The following NEXMIF variants were observed in gnomAD, a reference collection of about 807,000 sequenced individuals.
NEXMIF encodes neurite extension and migration factor.
In NEXMIF, 8 loss-of-function variants were observed where a neutral mutation model predicts 62.1. That is an observed-to-expected ratio of 0.13 (90% CI 0.08 to 0.23). The LOEUF (loss-of-function observed/expected upper bound fraction) is 0.23. Among genes scored for constraint, NEXMIF ranks in the 10% least tolerant of loss-of-function variants. The pLI is 1.00. For synonymous variants in NEXMIF, 404 were observed against 416.6 expected (o/e 0.97, Z 0.37); for missense variants, 976 against 1,113.3 (o/e 0.88, Z 1.75).
intron 1 of NEXMIF, among the ~76,000 whole-genome samples, chrX:74,885,472 C>T (rs2080687985): frequency 9.0e-6 from 1 of 111,702 alleles, no homozygotes; most frequent in South Asian, 3.7e-4. Flanking sequence ...GATATCACCA[C>T]TGATCCCACA....
chrX:74,779,099 C>A (rs1185324791), intron 1 of NEXMIF, among the ~76,000 whole-genome samples: 1 of 112,491 alleles, frequency 8.9e-6, no homozygotes. Flanking sequence ...AGACGCCATT[C>A]ACCAATTCAT....
chrX:74,887,541 AAGAAATGCTCATCATCACTGGCCATCAG>A (rs2080700242), intron 1 of NEXMIF, among the ~76,000 whole-genome samples: 1 of 112,485 alleles, frequency 8.9e-6, no homozygotes, highest in Non-Finnish European at 1.9e-5. Context: ...AAAACACATG[AAGAAATGCTCATCATCACTGGCCATCAG>A]AGAAATGCAA....
chrX:74,743,157 G>T lies in NEXMIF; in HGVS notation c.1400C>A (p.Thr467Asn). 4 of 1,210,873 alleles carry T rather than the reference G, an allele frequency of 3.3e-6. No homozygotes were observed. The South Asian group carries it at 7.0e-5, about 21-fold the overall frequency. Residue 467 changes from threonine (T) to asparagine (N), a missense_variant, in exon 3 of 4, where the codon ACT becomes AAT. By Grantham distance (65) the Thr-to-Asn change is moderately conservative. Around this residue, in one of 5 missense-constraint regions of NEXMIF, gnomAD observed 639 missense variants for 694.5 expected, o/e 0.92. Coordinates refer to ENST00000055682, the MANE Select transcript of NEXMIF (RefSeq NM_001008537.3). The part of the protein sequence containing the change: ...KDCSRYMARD[T>N]NSGSSSSQQN... ...TTGGGAGGAGGAGCTGCCAGAATTA[G>T]TGTCCCGAGCCATATAGCGACTACA... is the stretch of plus-strand genomic sequence containing the variant.
At chrX:74,897,094 G>A (rs2080735210) in intron 1 of NEXMIF, among the ~76,000 whole-genome samples, 5 of 111,609 alleles carry the variant, frequency 4.5e-5, no homozygotes, top group South Asian at 3.7e-4. Flanking sequence ...GGCTAAGTTC[G>A]GCTCAAAAGA....
At chrX:74,840,077 G>A (rs776279910) in intron 1 of NEXMIF, among the ~76,000 whole-genome samples, 1 of 111,670 alleles carries the variant, frequency 9.0e-6, no homozygotes, top group African/African-American at 3.3e-5. Flanking sequence ...CCAACATCCA[G>A]TATTTATTGA....
rs970459042 is a variant in NEXMIF, at chrX:74,782,299, T to G, written c.-47-36602A>C. 2.7e-5 allele frequency among the ~76,000 whole-genome samples: 3 copies of G among 111,483 alleles called. No individual in the cohort carries two copies. The Admixed American group carries it at 2.9e-4, about 11-fold the overall frequency. On this transcript the variant is annotated intron_variant, in intron 1 of 3. Transcript: ENST00000055682. ...AAATGCTTTCAAACTTGTAAGAGAG[T>G]TCCCTTTGAGCTCAGGTTTGGAAAT...
intron 1 of NEXMIF, among the ~76,000 whole-genome samples, chrX:74,876,381 T>C (rs1275641011): frequency 6.3e-5 from 7 of 111,964 alleles, no homozygotes; most frequent in Non-Finnish European, 1.3e-4. Flanking sequence ...TCTGTTCTTT[T>C]ACATTTGCTG....
chrX:74,888,647 A>C lies in NEXMIF; in HGVS notation c.-48+36236T>G, dbSNP rs72630725. On this transcript the variant is annotated intron_variant, in intron 1 of 3. Transcript: ENST00000055682. ...CATGGCACGTGTATACCTATGTAAC[A>C]AACCTGCACCCTCTGCACATGTATC... Among the ~76,000 whole-genome samples, 411 of 111,260 alleles carry C rather than the reference A, an allele frequency of 3.7e-3. 7 individuals carry two copies. The highest frequency in any genetic ancestry group is 0.031 in the East Asian group (108 of 3,522).
chrX:74,862,723 G>C (rs773156393), intron 1 of NEXMIF, among the ~76,000 whole-genome samples: 30 of 111,750 alleles, frequency 2.7e-4, no homozygotes, highest in African/African-American at 9.4e-4. Flanking sequence ...TGAACAACCT[G>C]CTCCTGAATG....
At chrX:74,875,010 GC>G (rs772788697) in intron 1 of NEXMIF, among the ~76,000 whole-genome samples, 2 of 111,112 alleles carry the variant, frequency 1.8e-5, no homozygotes, top group East Asian at 5.7e-4. Context: ...CATTGCCCTG[GC>G]CAGAACTTCC....
intron 1 of NEXMIF, among the ~76,000 whole-genome samples, chrX:74,763,448 G>A (rs1239940249): frequency 3.6e-5 from 4 of 111,626 alleles, no homozygotes; most frequent in African/African-American, 9.8e-5. Context: ...TTGGCACTGC[G>A]GGCCCTTTTT....
intron 1 of NEXMIF, among the ~76,000 whole-genome samples, chrX:74,749,889 T>C (rs868685563): frequency 1.2e-4 from 14 of 112,159 alleles, no homozygotes; most frequent in Non-Finnish European, 1.5e-4. Flanking sequence ...TAAAAACTGG[T>C]TAAACAATGA....
intron 1 of NEXMIF, among the ~76,000 whole-genome samples, chrX:74,810,594 T>G: frequency 1.1e-5 from 1 of 93,083 alleles, no homozygotes; most frequent in African/African-American, 4.0e-5. Context: ...AGTCAGGGAG[T>G]GAGGGACCAG....
chrX:74,845,447 C>T (rs1030327663), intron 1 of NEXMIF, among the ~76,000 whole-genome samples: 7 of 111,101 alleles, frequency 6.3e-5, no homozygotes, highest in African/African-American at 9.8e-5. Context: ...GAAACCCCAA[C>T]CAAAAGATTC....
chrX:74,841,786 T>C (rs1343193421), intron 1 of NEXMIF, among the ~76,000 whole-genome samples: 1 of 112,300 alleles, frequency 8.9e-6, no homozygotes, highest in Non-Finnish European at 1.9e-5. Context: ...CACATTTTTT[T>C]GATTTGCTTA....
intron 1 of NEXMIF, among the ~76,000 whole-genome samples, chrX:74,867,675 T>C (rs774055030): frequency 2.7e-5 from 3 of 111,875 alleles, no homozygotes; most frequent in East Asian, 2.8e-4. Context: ...CAAAACTATA[T>C]AAAACCTGGA....
intron 1 of NEXMIF, among the ~76,000 whole-genome samples, chrX:74,855,338 G>A (rs1042967378): frequency 1.8e-5 from 2 of 112,020 alleles, no homozygotes; most frequent in African/African-American, 6.5e-5. Flanking sequence ...AATACATGTT[G>A]CTGGGAAAAA....
intron 1 of NEXMIF, among the ~76,000 whole-genome samples, chrX:74,790,291 T>G (rs1311405695): frequency 7.2e-5 from 8 of 111,020 alleles, no homozygotes; most frequent in Non-Finnish European, 1.1e-4. Flanking sequence ...GTTGTAGATA[T>G]GCGGCGTTAT....
Position 74,741,278 on chromosome X carries a change from T to C in NEXMIF, c.3279A>G (p.Gly1093=). The C allele has an allele frequency of 8.3e-7, 1 of 1,211,269 alleles. No individual in the cohort carries two copies. The highest frequency in any genetic ancestry group is 1.1e-6 in the Non-Finnish European group (1 of 895,123). The change falls in exon 3 of 4, where the codon GGA becomes GGG. Residue 1093 remains glycine (G), a synonymous_variant. Coordinates refer to ENST00000055682, the MANE Select transcript of NEXMIF (RefSeq NM_001008537.3). ...ITRCESMKTL[G]TLKGFQEGVP... ...CACCCTCTTGGAACCCCTTTAGTGT[T>C]CCTAGTGTCTTCATACTCTCACATC...
Sources: gnomAD v4.1 joint callset for allele counts (sites outside exome capture counted in the v4.1 genomes callset) on GRCh38, gnomAD v4.1.1 for gene constraint, gnomAD v4.1.1 regional missense constraint, MANE v1.5 for transcripts, NCBI Gene and HGNC (gene_info 2026-07-23, HGNC 2026-07-21) for gene names.